The following OSBPL9 variants were observed in gnomAD, a reference collection of about 807,000 sequenced individuals.
OSBPL9 encodes the protein oxysterol binding protein like 9.
Under a neutral mutation model 106.6 loss-of-function variants are expected in OSBPL9, and 40 were observed. That is an observed-to-expected ratio of 0.38 (90% confidence interval 0.29 to 0.49). The LOEUF is 0.49. Ranked by LOEUF, OSBPL9 falls within the 20% of genes least tolerant of loss-of-function variation. OSBPL9 has a pLI of 0.97. For missense variants in OSBPL9, 609 were observed against 887.2 expected (o/e 0.69, Z 3.98); for synonymous variants, 269 against 295.4 (o/e 0.91, Z 0.92).
chr1:51,693,941 G>A (rs1557698337), intron 3 of OSBPL9, among the ~76,000 whole-genome samples: 2 of 152,286 alleles, frequency 1.3e-5, no homozygotes, highest in East Asian at 3.9e-4. Flanking sequence ...AAGGCATTTT[G>A]GAAAATGCCA....
the OSBPL9 span, among the ~76,000 whole-genome samples, chr1:51,552,794 T>A: frequency 6.6e-6 from 1 of 151,970 alleles, no homozygotes; most frequent in Non-Finnish European, 1.5e-5. Context: ...CCGGCTAATT[T>A]TTTTATTTTT....
intron 3 of OSBPL9, among the ~76,000 whole-genome samples, chr1:51,712,388 C>T (rs1022521661): frequency 1.3e-5 from 2 of 151,782 alleles, no homozygotes; most frequent in African/African-American, 2.4e-5. Flanking sequence ...AGAGGGAGAC[C>T]GTGGAAAGAG....
the OSBPL9 span, chr1:51,518,416 T>A: frequency 6.6e-6 from 1 of 152,140 alleles, no homozygotes; most frequent in Non-Finnish European, 1.5e-5. Flanking sequence ...ACCACACCCG[T>A]TAAAGGGATC....
intron 3 of OSBPL9, among the ~76,000 whole-genome samples, chr1:51,712,310 G>T (rs1313455969): frequency 1.3e-5 from 2 of 152,242 alleles, no homozygotes; most frequent in Non-Finnish European, 2.9e-5. Context: ...GCTGAGGCAG[G>T]AGAATCAGGC....
At chr1:51,632,595 G>A (rs1480617818) in intron 1 of OSBPL9, among the ~76,000 whole-genome samples, 1 of 152,200 alleles carries the variant, frequency 6.6e-6, no homozygotes. Context: ...GTAAATTACA[G>A]TGATCTATTA....
intron 16 of OSBPL9, among the ~76,000 whole-genome samples, chr1:51,782,077 G>C (rs756348919): frequency 1.8e-4 from 28 of 152,096 alleles, no homozygotes; most frequent in Non-Finnish European, 3.8e-4. Flanking sequence ...CCCAGAACTG[G>C]CTCTGAGGCT....
At chr1:51,787,041 G>A (rs1056464694) in intron 22 of OSBPL9, among the ~76,000 whole-genome samples, 1 of 152,142 alleles carries the variant, frequency 6.6e-6, no homozygotes, top group Admixed American at 6.5e-5. Flanking sequence ...TAAACTGATT[G>A]ACCCAGAGTT....
At chr1:51,632,119 A>G (rs1645143270) in intron 1 of OSBPL9, among the ~76,000 whole-genome samples, 1 of 152,218 alleles carries the variant, frequency 6.6e-6, no homozygotes, top group African/African-American at 2.4e-5. Flanking sequence ...ATACACGTAT[A>G]TATAAATAGA....
chr1:51,759,288 A>G (rs1474162175), intron 9 of OSBPL9, among the ~76,000 whole-genome samples: 5 of 152,092 alleles, frequency 3.3e-5, no homozygotes, highest in African/African-American at 9.7e-5. Context: ...TTCATGCAGA[A>G]AGAGGGCTGG....
intron 4 of OSBPL9, among the ~76,000 whole-genome samples, chr1:51,716,485 A>G (rs1309661065): frequency 6.6e-6 from 1 of 152,242 alleles, no homozygotes; most frequent in Non-Finnish European, 1.5e-5. Context: ...AACTTGATAA[A>G]CTAATATTGG....
rs751502539 is a variant in OSBPL9, at chr1:51,622,409, G to A, written c.111+5188G>A. Among the ~76,000 whole-genome samples the A allele has an allele frequency of 4.6e-5, 7 of 152,326 alleles. No homozygotes were observed. In the South Asian group the frequency reaches 6.2e-4, roughly 14 times the overall value. ...ACTCTGGAAAATACCACTGGATTTA[G>A]TTATCTATTGCGTTATGACAGATTA... On this transcript the variant is annotated intron_variant, in intron 1 of 23. Coordinates refer to ENST00000428468, the MANE Select transcript of OSBPL9 (RefSeq NM_024586.6).
At chr1:51,538,281 G>A in the OSBPL9 span, among the ~76,000 whole-genome samples, 2 of 152,194 alleles carry the variant, frequency 1.3e-5, no homozygotes, top group African/African-American at 2.4e-5. Context: ...AACAGAGCAC[G>A]ACTCCATCTC....
chr1:51,623,707 A>G (rs1557598698), intron 1 of OSBPL9, among the ~76,000 whole-genome samples: 1 of 139,402 alleles, frequency 7.2e-6, no homozygotes, highest in Non-Finnish European at 1.5e-5. Context: ...AATGTTTAGT[A>G]GATGATAAAA....
At chr1:51,655,409 T>C (rs1646757932) in intron 2 of OSBPL9, among the ~76,000 whole-genome samples, 1 of 152,198 alleles carries the variant, frequency 6.6e-6, no homozygotes, top group African/African-American at 2.4e-5. Flanking sequence ...CCCCTCCATC[T>C]TCATGTCAGC....
In OSBPL9 at chr1:51,720,413, C is replaced by T. The variant is rs138806295; in HGVS notation, c.318+6334C>T. On this transcript the variant is annotated intron_variant, in intron 4 of 23. Transcript: ENST00000428468. ...TGATCTCGGCTTACTGCAACCTCCG[C>T]CTCCCAGGTTCAAGCAATTCTCCTG... Among the ~76,000 whole-genome samples, 1,260 of 151,182 alleles carry T rather than the reference C, an allele frequency of 8.3e-3. 9 individuals carry two copies. The highest frequency in any genetic ancestry group is 0.029 in the African/African-American group (1,181 of 41,110).
At chr1:51,787,662 TTACAGAAG>T in intron 23 of OSBPL9, 45 bp from the exon 24 acceptor site, 1 of 1,599,704 alleles carries the variant, frequency 6.3e-7, no homozygotes, top group East Asian at 2.2e-5. Flanking sequence ...AGTAAGTATA[TTACAGAAG>T]TACAAAGCAA....
intron 1 of OSBPL9, among the ~76,000 whole-genome samples, chr1:51,591,967 T>C (rs962304130): frequency 6.6e-6 from 1 of 152,110 alleles, no homozygotes; most frequent in African/African-American, 2.4e-5. Context: ...TGGACCCCCG[T>C]AGCCAACCCT....
intron 2 of OSBPL9, among the ~76,000 whole-genome samples, chr1:51,604,487 C>G (rs879295794): frequency 6.6e-6 from 1 of 151,018 alleles, no homozygotes; most frequent in Non-Finnish European, 1.5e-5. Flanking sequence ...ACCCGGGAGG[C>G]GGAGGTTGCA....
chr1:51,586,684 G>GA (rs1645249445), intron 1 of OSBPL9, among the ~76,000 whole-genome samples: 1 of 152,170 alleles, frequency 6.6e-6, no homozygotes, highest in Non-Finnish European at 1.5e-5. Context: ...TACCAGCCAG[G>GA]CCCCAGGTGC....
Sources: allele counts gnomAD v4.1 joint callset (sites outside exome capture counted in the v4.1 genomes callset), GRCh38; gene constraint gnomAD v4.1.1; transcripts MANE v1.5; gene names NCBI Gene and HGNC (gene_info 2026-07-23, HGNC 2026-07-21).